SLC4A10: variants seen among roughly 807,000 people sequenced by gnomAD.
The protein encoded by SLC4A10 is solute carrier family 4 member 10.
Under a neutral mutation model 137.7 loss-of-function variants are expected in SLC4A10, and 42 were observed. The observed-to-expected ratio is 0.30, with a 90% CI of 0.24 to 0.39. The LOEUF (loss-of-function observed/expected upper bound fraction) is 0.39. Among genes scored for constraint, SLC4A10 ranks in the 10% least tolerant of loss-of-function variants. The probability of loss-of-function intolerance (pLI) is 1.00; values close to 1 mark genes in which losing one functional copy is unlikely to be tolerated. For missense variants in SLC4A10, 925 were observed against 1,355.0 expected (o/e 0.68, Z 4.98); for synonymous variants, 474 against 464.1 (o/e 1.02, Z -0.27).
At chr2:161,778,703 T>A (rs1259442235) in intron 2 of SLC4A10, among the ~76,000 whole-genome samples, 3 of 151,916 alleles carry the variant, frequency 2.0e-5, no homozygotes. Context: ...TTCATAAAAG[T>A]ATAACTTTAA....
At chr2:161,679,856 A>G (rs572283060) in intron 1 of SLC4A10, among the ~76,000 whole-genome samples, 2 of 151,678 alleles carry the variant, frequency 1.3e-5, no homozygotes, top group Non-Finnish European at 2.9e-5. Flanking sequence ...AAATTCTTCA[A>G]CTTTTTCATA....
chr2:161,822,547 A>C (rs2057710804), intron 3 of SLC4A10, among the ~76,000 whole-genome samples: 1 of 152,236 alleles, frequency 6.6e-6, no homozygotes, highest in African/African-American at 2.4e-5. Flanking sequence ...AACTAGTCTG[A>C]GAGATAACAG....
chr2:161,851,617 T>C (rs1337079507), intron 4 of SLC4A10, among the ~76,000 whole-genome samples: 1 of 152,166 alleles, frequency 6.6e-6, no homozygotes, highest in East Asian at 1.9e-4. Context: ...ACTTATTTAG[T>C]CATCTTCACT....
intron 26 of SLC4A10, among the ~76,000 whole-genome samples, 151 bp downstream of exon 26, chr2:161,977,911 G>A (rs1358934755): frequency 1.3e-5 from 2 of 152,160 alleles, no homozygotes; most frequent in Non-Finnish European, 2.9e-5. Flanking sequence ...GTAGCAGACT[G>A]AGTTTGATGA....
chr2:161,958,554 A>G lies in SLC4A10; in HGVS notation c.2861A>G (p.Gln954Arg). The change falls in exon 21 of 27, where the codon CAG becomes CGG. Residue 954 changes from glutamine to arginine, a missense_variant and splice_region_variant. Gln to Arg is a conservative substitution (Grantham distance 43). Coordinates refer to ENST00000446997, the MANE Select transcript of SLC4A10 (RefSeq NM_001178015.2). ...GGTGCTTCATCTCTAAAGGGAATTC[A>G]GGTAAATTACTTACAGTACTACAGG... ...YMGASSLKGI[Q>R]FFDRIKLFWM... is the part of the protein sequence containing the mutation. The G allele has an allele frequency of 6.2e-7, 1 of 1,607,480 alleles. No homozygotes were observed. The highest frequency in any genetic ancestry group is 8.5e-7 in the Non-Finnish European group (1 of 1,175,436).
intron 5 of SLC4A10, among the ~76,000 whole-genome samples, chr2:161,861,865 T>C (rs2060452690): frequency 6.6e-6 from 1 of 152,194 alleles, no homozygotes; most frequent in Non-Finnish European, 1.5e-5. Flanking sequence ...TGTCTCCTAG[T>C]TCATTTCCAT....
chr2:161,840,299 G>A (rs1236976832), intron 4 of SLC4A10, among the ~76,000 whole-genome samples: 3 of 151,940 alleles, frequency 2.0e-5, no homozygotes. Flanking sequence ...TAAAAGAAAG[G>A]GCAAATATTA....
intron 1 of SLC4A10, among the ~76,000 whole-genome samples, chr2:161,737,651 C>T (rs1466582999): frequency 6.6e-6 from 1 of 152,106 alleles, no homozygotes; most frequent in Non-Finnish European, 1.5e-5. Flanking sequence ...GTACAGTGTT[C>T]ATTTGGAATG....
At chr2:161,667,682 T>C (rs556676899) in intron 1 of SLC4A10, among the ~76,000 whole-genome samples, 23 of 151,798 alleles carry the variant, frequency 1.5e-4, no homozygotes, top group African/African-American at 5.5e-4. Flanking sequence ...TGAATATATA[T>C]GTACATATGT....
intron 1 of SLC4A10, among the ~76,000 whole-genome samples, chr2:161,737,720 G>A (rs1574665452): frequency 2.0e-5 from 3 of 152,164 alleles, no homozygotes; most frequent in African/African-American, 7.2e-5. Context: ...AGCATTTGCT[G>A]CTTTTGAGGC....
At chr2:161,849,101 G>A (rs185229635) in intron 4 of SLC4A10, among the ~76,000 whole-genome samples, 20 of 151,998 alleles carry the variant, frequency 1.3e-4, no homozygotes, top group Non-Finnish European at 2.4e-4. Context: ...TGTAATTCTC[G>A]TTGCAGAGAT....
Position 161,753,855 on chromosome 2 carries a change from GTTATTTATTTATTTAT to G in SLC4A10, c.49-17083_49-17068del, listed in dbSNP as rs151205439. Among the ~76,000 whole-genome samples, 35 of 134,796 alleles carry G rather than the reference GTTATTTATTTATTTAT, an allele frequency of 2.6e-4. No homozygotes were observed. In the East Asian group the frequency reaches 2.6e-3, roughly 10 times the overall value. The allele number at this position is 134,796 out of a possible 152,430, so 88.4% of individuals were successfully genotyped here. A position where few individuals can be genotyped will look rare whatever the true frequency, so the allele number is the denominator to read the frequency against. ...CTCACTTTACTGTTAAATAACTCGA[GTTATTTATTTATTTAT>G]TTATTTATTTATTTATTTATTTATT... On this transcript the variant is annotated intron_variant, in intron 1 of 26. Transcript: ENST00000446997.
chr2:161,746,526 A>G (rs1268023393), intron 1 of SLC4A10, among the ~76,000 whole-genome samples: 1 of 151,728 alleles, frequency 6.6e-6, no homozygotes, highest in Non-Finnish European at 1.5e-5. Flanking sequence ...AATGTCCTCT[A>G]GGAGCTGATA....
intron 15 of SLC4A10, among the ~76,000 whole-genome samples, chr2:161,913,119 A>G (rs1311368361): frequency 6.6e-6 from 1 of 152,058 alleles, no homozygotes; most frequent in African/African-American, 2.4e-5. Flanking sequence ...TGTTTACTAT[A>G]TATGTATGTC....
In SLC4A10 at chr2:161,843,350, T is replaced by C. The variant is rs540560703; in HGVS notation, c.416+3423T>C. ...ATGTTTGTCCTAAACCATCAAAATATATTGCTGTTGATTTATAAAGAATAA... is the reference window on the plus strand; with the variant it reads ...ATGTTTGTCCTAAACCATCAAAATACATTGCTGTTGATTTATAAAGAATAA... On this transcript the variant is annotated intron_variant, in intron 4 of 26. Coordinates refer to ENST00000446997, the MANE Select transcript of SLC4A10 (RefSeq NM_001178015.2). 2.6e-5 allele frequency among the ~76,000 whole-genome samples: 4 copies of C among 152,268 alleles called. No homozygotes were observed. In the East Asian group the frequency reaches 7.7e-4, roughly 29 times the overall value.
At chr2:161,635,807 G>C (rs752489699) in intron 1 of SLC4A10, among the ~76,000 whole-genome samples, 1 of 152,030 alleles carries the variant, frequency 6.6e-6, no homozygotes, top group Non-Finnish European at 1.5e-5. Context: ...TTAATCACTG[G>C]TCCTCTCCAG....
At chr2:161,833,475 G>T (rs1011071635) in intron 3 of SLC4A10, among the ~76,000 whole-genome samples, 5 of 152,188 alleles carry the variant, frequency 3.3e-5, no homozygotes, top group African/African-American at 1.2e-4. Context: ...GAATGAAAAG[G>T]TCATCAAAGA....
At chr2:161,865,497 A>G (rs529233574) in intron 6 of SLC4A10, among the ~76,000 whole-genome samples, 26 of 152,182 alleles carry the variant, frequency 1.7e-4, no homozygotes, top group Non-Finnish European at 3.4e-4. Flanking sequence ...ACTTGGAAAC[A>G]TTTCTAATAA....
At chr2:161,891,599 C>T (rs58909484) in intron 10 of SLC4A10, among the ~76,000 whole-genome samples, 10,378 of 151,958 alleles carry the variant, frequency 0.068, 453 homozygotes, top group East Asian at 0.13. Flanking sequence ...GCTATCAATA[C>T]TTCTGTATGC....
Sources: allele counts gnomAD v4.1 joint callset (sites outside exome capture counted in the v4.1 genomes callset), GRCh38; gene constraint gnomAD v4.1.1; transcripts MANE v1.5; gene names NCBI Gene and HGNC (gene_info 2026-07-23, HGNC 2026-07-21).